The following SMARCA2 variants were observed in gnomAD, a reference collection of about 807,000 sequenced individuals.
The protein encoded by SMARCA2 is SWI/SNF-related matrix-associated actin-dependent regulator of chromatin subfamily A member 2.
In SMARCA2, 61 loss-of-function variants were observed where a neutral mutation model predicts 199.8. That is an observed-to-expected ratio of 0.31 (90% CI 0.25 to 0.38). The LOEUF (loss-of-function observed/expected upper bound fraction) is 0.38, where lower values mean the gene tolerates loss of function less well. Among genes scored for constraint, SMARCA2 ranks in the 10% least tolerant of loss-of-function variants. The pLI is 1.00. For synonymous variants in SMARCA2, 935 were observed against 732.0 expected, an observed-to-expected ratio of 1.28 and a Z score of -4.48; for missense variants, 1,344 against 2,012.2, an observed-to-expected ratio of 0.67 and a Z score of 6.35.
At chr9:2,188,181 ATAT>A (rs1827621609) in intron 32 of SMARCA2, among the ~76,000 whole-genome samples, 1 of 152,152 alleles carries the variant, frequency 6.6e-6, no homozygotes, top group Non-Finnish European at 1.5e-5. Flanking sequence ...ACAGCAACAT[ATAT>A]TAATATGTAT....
intron 27 of SMARCA2, among the ~76,000 whole-genome samples, chr9:2,137,733 G>C (rs945735122): frequency 1.3e-5 from 2 of 152,142 alleles, no homozygotes; most frequent in East Asian, 3.8e-4. Flanking sequence ...CTATGTCCTG[G>C]TACCTGCAGC....
At chr9:2,076,874 G>A (rs1241633496) in intron 13 of SMARCA2, among the ~76,000 whole-genome samples, 2 of 151,984 alleles carry the variant, frequency 1.3e-5, no homozygotes, top group African/African-American at 2.4e-5. Context: ...GGCCCTCTAC[G>A]TCAAGGGTTT....
chr9:2,192,734 G>C lies in SMARCA2; in HGVS notation c.4768G>C (p.Glu1590Gln), dbSNP rs1156565170. Reference protein sequence around the residue: ...EQSEGSGTDDE With the variant: ...EQSEGSGTDDQ ...GTCAGAAGGAAGTGGGACGGATGAT[G>C]AGTGATCAGTATGGACCTTTTTCCT... The change falls in exon 34 of 34, where the codon GAG becomes CAG. Residue 1590 changes from glutamate (E) to glutamine (Q), a missense_variant. Physicochemically the swap from Glu to Gln is conservative, Grantham distance 29. Around this residue, in one of 18 missense-constraint regions of SMARCA2, gnomAD observed 155 missense variants for 121.1 expected, o/e 1.28. Coordinates refer to ENST00000349721, the MANE Select transcript of SMARCA2 (RefSeq NM_003070.5). The C allele has an allele frequency of 1.2e-6, 2 of 1,608,740 alleles. No individual in the cohort carries two copies. The highest frequency in any genetic ancestry group is 3.3e-5 in the Admixed American group (2 of 59,996).
rs761089345 is a variant in SMARCA2 at position 2,170,436 on chromosome 9, T to G, written c.4217T>G (p.Val1406Gly). 1 of 1,614,088 alleles carries G rather than the reference T, an allele frequency of 6.2e-7. No individual in the cohort carries two copies. The highest frequency in any genetic ancestry group is 8.5e-7 in the Non-Finnish European group (1 of 1,179,992). ...TACCGCAGGTGTAACGTGGAGAAGG[T>G]GCCCAGTAATTCTCAGTTGGAAATA... ...NYKDRCNVEK[V>G]PSNSQLEIEG... The change falls in exon 29 of 34, where the codon GTG (valine) becomes GGG (glycine). Residue 1406 changes from valine to glycine, a missense_variant. By Grantham distance (109) the Val-to-Gly change is moderately radical. Transcript: ENST00000349721. This position sits in a 1 kb window ranked among gnomAD's most constrained non-coding sequence, Gnocchi z 4.7.
chr9:2,105,842 A>C (rs759946421), intron 23 of SMARCA2, among the ~76,000 whole-genome samples: 1 of 152,120 alleles, frequency 6.6e-6, no homozygotes, highest in Admixed American at 6.5e-5. Context: ...CTGCGTAACT[A>C]TCACTTGCTA....
chr9:2,047,918 C>T (rs996087641), intron 5 of SMARCA2: 1 of 152,278 alleles, frequency 6.6e-6, no homozygotes, highest in Non-Finnish European at 1.5e-5. Context: ...ATGGGTATAC[C>T]CTGTGCGAGT....
intron 19 of SMARCA2, among the ~76,000 whole-genome samples, chr9:2,092,735 A>T (rs1039936040): frequency 6.6e-6 from 1 of 152,216 alleles, no homozygotes; most frequent in Non-Finnish European, 1.5e-5. Context: ...TCAGCACCTC[A>T]GTTTTACATA....
At chr9:2,116,113 A>G in intron 25 of SMARCA2, 64 bp downstream of exon 25, 1 of 1,240,548 alleles carries the variant, frequency 8.1e-7, no homozygotes, top group African/African-American at 1.5e-5. Flanking sequence ...AAGGACTCAG[A>G]ATAATCCCTT....
Position 2,150,199 on chromosome 9 carries a change from G to A in SMARCA2, c.3982-11487G>A, listed in dbSNP as rs1026523613. 8.6e-5 allele frequency among the ~76,000 whole-genome samples: 13 copies of A among 151,568 alleles called. 1 individual carries two copies. The highest frequency in any genetic ancestry group is 1.8e-4 in the Non-Finnish European group (12 of 67,726). ...CTCCTGTTGGCCTCTGCTTATTCAT[G>A]GCTTCTACTCATAACATCCCTAGCA... On this transcript the variant is annotated intron_variant, in intron 27 of 33. Transcript: ENST00000349721.
chr9:2,140,962 G>T (rs1029177426), intron 27 of SMARCA2, among the ~76,000 whole-genome samples: 1 of 151,960 alleles, frequency 6.6e-6, no homozygotes, highest in African/African-American at 2.4e-5. Flanking sequence ...TTCTCACACT[G>T]GCGCAGTGAT....
intron 9 of SMARCA2, chr9:2,068,824 G>A (rs1408130771): frequency 6.6e-6 from 1 of 151,842 alleles, no homozygotes; most frequent in Non-Finnish European, 1.5e-5. Context: ...GATTTCACTT[G>A]TCAGAGAGGT....
intron 9 of SMARCA2, among the ~76,000 whole-genome samples, chr9:2,066,613 A>C (rs1340453580): frequency 6.6e-6 from 1 of 152,190 alleles, no homozygotes; most frequent in African/African-American, 2.4e-5. Context: ...CTTCCTACAT[A>C]AGCATAATTA....
chr9:2,041,268 G>C (rs1412063659), intron 4 of SMARCA2: 2 of 398,330 alleles, frequency 5.0e-6, no homozygotes, highest in Non-Finnish European at 8.9e-6. Flanking sequence ...TAGTAAGTCT[G>C]AGCTGCTGTA....
At position 2,104,079 on chromosome 9, in the gene SMARCA2, C is replaced by T. The variant is rs1822648852; in HGVS notation, c.3202C>T (p.Arg1068Ter). 2 of 1,614,016 alleles carry T rather than the reference C, an allele frequency of 1.2e-6. No individual in the cohort carries two copies. Among genetic ancestry groups the T allele is most frequent in the Non-Finnish European group, 1.7e-6 (2 of 1,179,960 alleles). The change falls in exon 23 of 34, where the codon CGA (arginine) becomes TGA (stop). Residue 1068 changes from arginine (R) to a stop codon, truncating the protein, a stop_gained. Transcript: ENST00000349721. LOFTEE classifies it high-confidence loss of function. This position sits in a 1 kb window ranked among gnomAD's most constrained non-coding sequence, Gnocchi z 4.0. ...ILPKLRATNH[R>*]VLLFCQMTSL... ...GCCAAAATTGAGAGCGACTAATCACCGAGTGCTGCTTTTCTGCCAGATGAC... is the reference window on the plus strand; with the variant it reads ...GCCAAAATTGAGAGCGACTAATCACTGAGTGCTGCTTTTCTGCCAGATGAC...
intron 27 of SMARCA2, among the ~76,000 whole-genome samples, chr9:2,155,720 CTTTTTT>C (rs59156319): frequency 1.9e-5 from 1 of 53,190 alleles, no homozygotes; most frequent in African/African-American, 6.5e-5. Flanking sequence ...AAGAGAAAAC[CTTTTTT>C]TTTTTTTTTT....
intron 10 of SMARCA2, among the ~76,000 whole-genome samples, chr9:2,072,513 G>T (rs1423008290): frequency 2.6e-5 from 4 of 152,190 alleles, no homozygotes; most frequent in African/African-American, 9.7e-5. Flanking sequence ...CCCCTGGGGG[G>T]TTAGTTTTGG....
At chr9:2,180,634 C>T (rs997087890) in intron 29 of SMARCA2, among the ~76,000 whole-genome samples, 3 of 152,216 alleles carry the variant, frequency 2.0e-5, no homozygotes, top group Non-Finnish European at 4.4e-5. Flanking sequence ...CTGTATCACA[C>T]ACCACAAGCT....
chr9:2,052,519 A>G (rs1478501356), intron 5 of SMARCA2, among the ~76,000 whole-genome samples: 1 of 152,254 alleles, frequency 6.6e-6, no homozygotes, highest in Non-Finnish European at 1.5e-5. Context: ...GGTAGCAGTG[A>G]TAATATTAAC....
intron 4 of SMARCA2, chr9:2,045,052 A>C (rs188238994): frequency 3.9e-5 from 6 of 152,300 alleles, no homozygotes; most frequent in Admixed American, 3.3e-4. Context: ...AATCTTCTGC[A>C]TGGGTATTTA....
Sources: gnomAD v4.1 joint callset for allele counts (sites outside exome capture counted in the v4.1 genomes callset) on GRCh38, gnomAD v4.1.1 for gene constraint, gnomAD v4.1.1 regional missense constraint, Gnocchi (gnomAD v3.1) non-coding constraint, MANE v1.5 for transcripts, NCBI Gene and HGNC (gene_info 2026-07-23, HGNC 2026-07-21) for gene names.